Variants in TINAG observed in about 807,000 individuals in gnomAD.
The protein encoded by TINAG is tubulointerstitial nephritis antigen.
In TINAG, 83 loss-of-function variants were observed where a neutral mutation model predicts 72.7. The ratio of observed to expected loss-of-function variants is 1.14; its 90% CI spans 0.96 to 1.37. TINAG has a LOEUF of 1.37. Ranked by LOEUF, TINAG falls within the 40% of genes most tolerant of loss-of-function variation. The pLI, the probability that TINAG is intolerant of heterozygous loss-of-function variation, is 0.00. For missense variants in TINAG, 685 were observed against 576.6 expected (o/e 1.19, Z -1.93); for synonymous variants, 234 against 189.9 (o/e 1.23, Z -1.91).
At chr6:54,381,133 T>TACAC (rs916686519) in intron 10 of TINAG, among the ~76,000 whole-genome samples, 22 of 149,942 alleles carry the variant, frequency 1.5e-4, no homozygotes, top group Non-Finnish European at 3.0e-5. Context: ...AGGATATATA[T>TACAC]ACACACATAT....
intron 9 of TINAG, among the ~76,000 whole-genome samples, chr6:54,357,588 C>A (rs1479082359): frequency 6.6e-6 from 1 of 151,946 alleles, no homozygotes; most frequent in East Asian, 1.9e-4. Flanking sequence ...ATATTCTCTG[C>A]TGGAAGCCTT....
chr6:54,309,537 T>A (rs1028826443), intron 1 of TINAG, among the ~76,000 whole-genome samples: 4 of 152,194 alleles, frequency 2.6e-5, no homozygotes, highest in Admixed American at 6.5e-5. Flanking sequence ...TATAGACTGG[T>A]TGAAAAAGTC....
intron 3 of TINAG, among the ~76,000 whole-genome samples, chr6:54,323,523 C>T (rs1444092488): frequency 6.6e-6 from 1 of 152,184 alleles, no homozygotes; most frequent in Non-Finnish European, 1.5e-5. Flanking sequence ...CACATCTTGA[C>T]AGTATTTTAG....
At chr6:54,325,495 TAC>T (rs1027026766) in intron 3 of TINAG, among the ~76,000 whole-genome samples, 1 of 152,152 alleles carries the variant, frequency 6.6e-6, no homozygotes, top group Admixed American at 6.5e-5. Flanking sequence ...TGTGATCTAG[TAC>T]ACACACACGT....
At chr6:54,371,877 G>A (rs1038828956) in intron 9 of TINAG, among the ~76,000 whole-genome samples, 1 of 151,634 alleles carries the variant, frequency 6.6e-6, no homozygotes, top group Non-Finnish European at 1.5e-5. Context: ...ATTAGGGAAG[G>A]TGATTACAGT....
intron 4 of TINAG, among the ~76,000 whole-genome samples, chr6:54,340,727 G>GTT (rs1784977032): frequency 2.0e-5 from 3 of 152,190 alleles, no homozygotes; most frequent in African/African-American, 7.2e-5. Flanking sequence ...ATCTGGCTTA[G>GTT]TGGATTGGTA....
At chr6:54,308,414 T>C, upstream of TINAG, 3 of 691,022 alleles carry the variant, frequency 4.3e-6, no homozygotes, top group African/African-American at 3.6e-5. Context: ...AGAAGTATAC[T>C]CATTCAAGTA....
chr6:54,335,107 T>C (rs1784829859), intron 4 of TINAG, among the ~76,000 whole-genome samples: 1 of 152,208 alleles, frequency 6.6e-6, no homozygotes, highest in Non-Finnish European at 1.5e-5. Flanking sequence ...TATGTGTCTC[T>C]ATATATTTCC....
rs34286210 is a variant in TINAG at position 54,337,246 on chromosome 6, A to ATTTT, written c.625-5959_625-5956dup. ...AGTTTCTACTGTTCATGGGATTTGA[A>ATTTT]TTTTTTTTTTTTTTTTTTTTTTTTG... On this transcript the variant is annotated intron_variant, in intron 4 of 10. Transcript: ENST00000259782. Among the ~76,000 whole-genome samples the ATTTT allele has an allele frequency of 4.1e-3, 390 of 94,054 alleles. 7 individuals are homozygous for ATTTT. In the East Asian group the frequency reaches 0.045, roughly 11 times the overall value. The allele number at this position is 94,054 out of a possible 152,430, so 61.7% of individuals were successfully genotyped here.
intron 3 of TINAG, among the ~76,000 whole-genome samples, chr6:54,323,382 C>G (rs533466776): frequency 6.6e-6 from 1 of 152,152 alleles, no homozygotes; most frequent in African/African-American, 2.4e-5. Context: ...CTCAGCTATT[C>G]TCTCTTCATT....
At chr6:54,324,237 G>T (rs948698448) in intron 3 of TINAG, among the ~76,000 whole-genome samples, 5 of 152,094 alleles carry the variant, frequency 3.3e-5, no homozygotes, top group African/African-American at 4.8e-5. Context: ...TTCAACTGAG[G>T]CTCTTTTGCT....
chr6:54,320,957 C>T (rs1314243065), intron 2 of TINAG, among the ~76,000 whole-genome samples: 1 of 152,052 alleles, frequency 6.6e-6, no homozygotes, highest in East Asian at 1.9e-4. Flanking sequence ...GTTTTTTGAG[C>T]ACAGTAACTA....
chr6:54,360,794 T>C (rs1763201478), intron 9 of TINAG, among the ~76,000 whole-genome samples: 1 of 148,254 alleles, frequency 6.7e-6, no homozygotes, highest in Admixed American at 6.9e-5. Flanking sequence ...TATATAGTCC[T>C]ACCTCATCTT....
chr6:54,377,192 C>T (rs536034815), intron 9 of TINAG, among the ~76,000 whole-genome samples: 1 of 152,190 alleles, frequency 6.6e-6, no homozygotes, highest in East Asian at 1.9e-4. Context: ...AGCTTGTGAA[C>T]CCACTGTGCT....
Position 54,390,102 on chromosome 6 carries a change from A to G in TINAG, c.*177A>G. On this transcript the variant is annotated 3_prime_UTR_variant, in exon 11 of 11. Transcript: ENST00000259782. ...TTCTGCTTCCTTCATATTACTGAGC[A>G]TTAACAACACCAATAAAGGACAGCA... 1 of 795,344 alleles carries G rather than the reference A, an allele frequency of 1.3e-6. No individual in the cohort carries two copies. Among genetic ancestry groups the G allele is most frequent in the Non-Finnish European group, 1.9e-6 (1 of 534,902 alleles). The allele number at this position is 795,344 out of a possible 1,614,324, so 49.3% of individuals were successfully genotyped here. A position where few individuals can be genotyped will look rare whatever the true frequency, so the allele number is the denominator to read the frequency against.
At chr6:54,338,010 T>A (rs1315171319) in intron 4 of TINAG, among the ~76,000 whole-genome samples, 1 of 152,198 alleles carries the variant, frequency 6.6e-6, no homozygotes, top group African/African-American at 2.4e-5. Flanking sequence ...AAACTTGTGT[T>A]TCTTTCTTTT....
chr6:54,337,513 C>T (rs1490155904), intron 4 of TINAG, among the ~76,000 whole-genome samples: 2 of 152,012 alleles, frequency 1.3e-5, no homozygotes, highest in African/African-American at 2.4e-5. Flanking sequence ...TTCGGCCTCC[C>T]AAAATGCTGG....
rs893902159 is a variant in TINAG, at chr6:54,390,115, A to G, written c.*190A>G. On this transcript the variant is annotated 3_prime_UTR_variant, in exon 11 of 11. Coordinates refer to ENST00000259782, the MANE Select transcript of TINAG (RefSeq NM_014464.4). ...ATATTACTGAGCATTAACAACACCAATAAAGGACAGCAGAGTCCCTAAATG... is the reference window on the plus strand; with the variant it reads ...ATATTACTGAGCATTAACAACACCAGTAAAGGACAGCAGAGTCCCTAAATG... 6.9e-5 allele frequency: 49 copies of G among 712,110 alleles called. No individual in the cohort carries two copies. The highest frequency in any genetic ancestry group is 7.9e-5 in the Non-Finnish European group (37 of 467,262). The allele number at this position is 712,110 out of a possible 1,614,324, so 44.1% of individuals were successfully genotyped here.
At chr6:54,385,090 A>G (rs942395407) in intron 10 of TINAG, among the ~76,000 whole-genome samples, 5 of 152,162 alleles carry the variant, frequency 3.3e-5, no homozygotes, top group Non-Finnish European at 7.4e-5. Context: ...TATTTTTAAA[A>G]GGTTGAAAAG....
Sources: allele counts gnomAD v4.1 joint callset (sites outside exome capture counted in the v4.1 genomes callset), GRCh38; gene constraint gnomAD v4.1.1; transcripts MANE v1.5; gene names NCBI Gene and HGNC (gene_info 2026-07-23, HGNC 2026-07-21).